KIRREL3: variants seen among roughly 807,000 people sequenced by gnomAD.
KIRREL3 encodes the protein kirre like nephrin family adhesion molecule 3, also known as kin of IRRE-like protein 3.
Under a neutral mutation model 89.7 loss-of-function variants are expected in KIRREL3, and 36 were observed. That is an observed-to-expected ratio of 0.40 (90% confidence interval 0.31 to 0.53). The LOEUF (loss-of-function observed/expected upper bound fraction) is 0.53, where lower values mean the gene tolerates loss of function less well. Among genes scored for constraint, KIRREL3 ranks in the 20% least tolerant of loss-of-function variants. The pLI, the probability that KIRREL3 is intolerant of heterozygous loss-of-function variation, is 0.49. For synonymous variants in KIRREL3, 445 were observed against 441.4 expected, an observed-to-expected ratio of 1.01 and a Z score of -0.10; for missense variants, 864 against 1,056.6, an observed-to-expected ratio of 0.82 and a Z score of 2.53.
intron 1 of KIRREL3, among the ~76,000 whole-genome samples, chr11:126,784,098 G>A (rs1282365707): frequency 6.6e-6 from 1 of 152,188 alleles, no homozygotes; most frequent in Non-Finnish European, 1.5e-5. Context: ...AATCTGAGAA[G>A]CCGTCACAGC....
chr11:126,644,951 G>T (rs1048269227), intron 1 of KIRREL3, among the ~76,000 whole-genome samples: 12 of 152,178 alleles, frequency 7.9e-5, no homozygotes, highest in Admixed American at 5.9e-4. Flanking sequence ...GTCCTACAAG[G>T]CACCGTTGCA....
Position 126,767,284 on chromosome 11 carries a change from A to T in KIRREL3, c.56-204372T>A, listed in dbSNP as rs193180924. ...GAGGGTGTTTTCTACCAAATCTGAC[A>T]GGAGGGAGCTGGTAGCATGCTTGGG... On this transcript the variant is annotated intron_variant, in intron 1 of 16. Coordinates refer to ENST00000525144, the MANE Select transcript of KIRREL3 (RefSeq NM_032531.4). 9.2e-5 allele frequency among the ~76,000 whole-genome samples: 14 copies of T among 152,338 alleles called. 1 individual carries two copies. The highest frequency in any genetic ancestry group is 5.9e-4 in the Admixed American group (9 of 15,296).
rs1205903120 is a variant in KIRREL3, at chr11:127,000,553, G to A, written c.-44C>T. 15 of 1,575,848 alleles carry A rather than the reference G, an allele frequency of 9.5e-6. No homozygotes were observed. Among genetic ancestry groups the A allele is most frequent in the Non-Finnish European group, 1.2e-5 (14 of 1,160,848 alleles). ...AAAGCCGGCGGGGTAACTTGGCTGT[G>A]GTTAGTTTCTCTTCCTTGGCGGCTC... On this transcript the variant is annotated 5_prime_UTR_variant, in exon 1 of 17. Coordinates refer to ENST00000525144, the MANE Select transcript of KIRREL3 (RefSeq NM_032531.4). The surrounding 1 kb of genome is among the most constrained non-coding windows in gnomAD (Gnocchi z 7.1).
At position 126,860,904 on chromosome 11, in the gene KIRREL3, C is replaced by T; in HGVS notation, c.55+139551G>A. ...CAGAAATACTACCTCCTTTGTACCA[C>T]TCTTGGTACGTGCCACCTCCTATAC... On this transcript the variant is annotated intron_variant, in intron 1 of 16. Coordinates refer to ENST00000525144, the MANE Select transcript of KIRREL3 (RefSeq NM_032531.4). The surrounding 1 kb of genome is among the most constrained non-coding windows in gnomAD (Gnocchi z 4.6). 6.6e-6 allele frequency among the ~76,000 whole-genome samples: 1 copy of T among 152,214 alleles called. No individual in the cohort carries two copies. The highest frequency in any genetic ancestry group is 1.9e-4 in the East Asian group (1 of 5,192).
In KIRREL3 at chr11:126,764,872, G is replaced by A. The variant is rs978735459; in HGVS notation, c.56-201960C>T. 2.6e-5 allele frequency among the ~76,000 whole-genome samples: 4 copies of A among 152,068 alleles called. No homozygotes were observed. Among genetic ancestry groups the A allele is most frequent in the African/African-American group, 7.2e-5 (3 of 41,404 alleles). Reference sequence around the variant, plus strand: ...CCTTTGGCAGGAGTCCTCTACTCTCGGCCTGGATCCTCTTCAATGAACCAC... The same window carrying A: ...CCTTTGGCAGGAGTCCTCTACTCTCAGCCTGGATCCTCTTCAATGAACCAC... On this transcript the variant is annotated intron_variant, in intron 1 of 16. Coordinates refer to ENST00000525144, the MANE Select transcript of KIRREL3 (RefSeq NM_032531.4). This position sits in a 1 kb window ranked among gnomAD's most constrained non-coding sequence, Gnocchi z 4.2.
Position 126,587,787 on chromosome 11 carries a change from G to C in KIRREL3, c.56-24875C>G, listed in dbSNP as rs932680105. Among the ~76,000 whole-genome samples, 6 of 152,162 alleles carry C rather than the reference G, an allele frequency of 3.9e-5. No individual in the cohort carries two copies. The highest frequency in any genetic ancestry group is 8.8e-5 in the Non-Finnish European group (6 of 68,040). ...AATACATTCCAGCAAATTTAGATTA[G>C]GAATGATTATGACTTAAGTAAAATA... On this transcript the variant is annotated intron_variant, in intron 1 of 16. Transcript: ENST00000525144. The surrounding 1 kb of genome is among the most constrained non-coding windows in gnomAD (Gnocchi z 5.2).
Position 126,817,037 on chromosome 11 carries a change from G to A in KIRREL3, c.55+183418C>T, listed in dbSNP as rs1447756260. ...AAGAACCTGTTGCATTAAAAATAGA[G>A]CTAAGGTAAAGAGCATGTACTTGTA... is the stretch of plus-strand genomic sequence containing the variant. On this transcript the variant is annotated intron_variant, in intron 1 of 16. Transcript: ENST00000525144. This position sits in a 1 kb window ranked among gnomAD's most constrained non-coding sequence, Gnocchi z 5.7. 1.3e-5 allele frequency among the ~76,000 whole-genome samples: 2 copies of A among 152,128 alleles called. No individual in the cohort carries two copies. The highest frequency in any genetic ancestry group is 1.9e-4 in the East Asian group (1 of 5,198).
At position 126,652,860 on chromosome 11, in the gene KIRREL3, C is replaced by T. The variant is rs886190416; in HGVS notation, c.56-89948G>A. 2 of 152,172 alleles carry T rather than the reference C, an allele frequency of 1.3e-5. No individual in the cohort carries two copies. Among genetic ancestry groups the T allele is most frequent in the African/African-American group, 4.8e-5 (2 of 41,426 alleles). 9.4% of individuals were successfully genotyped at this position (152,172 alleles called of 1,614,324 possible). ...GAACCAACAACAAAAGGACCAGCCA[C>T]CTCACTGGTCCTCTGTTGCCAGTAG... On this transcript the variant is annotated intron_variant, in intron 1 of 16. Coordinates refer to ENST00000525144, the MANE Select transcript of KIRREL3 (RefSeq NM_032531.4). This position sits in a 1 kb window ranked among gnomAD's most constrained non-coding sequence, Gnocchi z 4.9.
In KIRREL3 at chr11:126,709,479, C is replaced by A. The variant is rs1330817387; in HGVS notation, c.56-146567G>T. Among the ~76,000 whole-genome samples the A allele has an allele frequency of 6.6e-6, 1 of 152,196 alleles. No homozygotes were observed. Among genetic ancestry groups the A allele is most frequent in the Non-Finnish European group, 1.5e-5 (1 of 68,032 alleles). On this transcript the variant is annotated intron_variant, in intron 1 of 16. Coordinates refer to ENST00000525144, the MANE Select transcript of KIRREL3 (RefSeq NM_032531.4). The surrounding 1 kb of genome is among the most constrained non-coding windows in gnomAD (Gnocchi z 4.0). ...TGGCAGTGGTAGGGAGTAGGTTGAA[C>A]TGTGTCCCCAACATTCATATGCCCC...
chr11:126,519,884 A>G lies in KIRREL3; in HGVS notation c.433+1431T>C, dbSNP rs1036340115. The stretch of plus-strand genomic sequence containing the variant: ...AATGAGAACGGCGCTGCTGCCTTTA[A>G]TACCCCAATTACTCCTCGGAAGGCC... On this transcript the variant is annotated intron_variant, in intron 4 of 16. Transcript: ENST00000525144. This position sits in a 1 kb window ranked among gnomAD's most constrained non-coding sequence, Gnocchi z 4.3. Among the ~76,000 whole-genome samples the G allele has an allele frequency of 6.6e-6, 1 of 152,148 alleles. No homozygotes were observed. The highest frequency in any genetic ancestry group is 1.5e-5 in the Non-Finnish European group (1 of 68,036).
At chr11:126,487,095 A>G (rs569171067) in intron 4 of KIRREL3, among the ~76,000 whole-genome samples, 1 of 152,302 alleles carries the variant, frequency 6.6e-6, no homozygotes, top group African/African-American at 2.4e-5. Flanking sequence ...TGGTCATTAC[A>G]TTAAGGGGTT....
At chr11:126,733,317 G>A (rs1200563896) in intron 1 of KIRREL3, among the ~76,000 whole-genome samples, 1 of 152,128 alleles carries the variant, frequency 6.6e-6, no homozygotes, top group Non-Finnish European at 1.5e-5. Context: ...ACCCCTCTCC[G>A]AATGGCTTCT....
intron 1 of KIRREL3, among the ~76,000 whole-genome samples, chr11:126,895,902 C>A (rs996883877): frequency 6.6e-6 from 1 of 152,182 alleles, no homozygotes; most frequent in Non-Finnish European, 1.5e-5. Flanking sequence ...CTCCTTGCAG[C>A]ACTCACTTAA....
rs1052424569 is a variant in KIRREL3, at chr11:126,615,507, T to C, written c.56-52595A>G. ...AGCAGAGGCTGGATGTGAAATTAGG[T>C]CTGTCTGACTCAAAAACCTGTGTTC... On this transcript the variant is annotated intron_variant, in intron 1 of 16. Coordinates refer to ENST00000525144, the MANE Select transcript of KIRREL3 (RefSeq NM_032531.4). The surrounding 1 kb of genome is among the most constrained non-coding windows in gnomAD (Gnocchi z 5.4). 2.0e-5 allele frequency among the ~76,000 whole-genome samples: 3 copies of C among 152,060 alleles called. No individual in the cohort carries two copies. Among genetic ancestry groups the C allele is most frequent in the African/African-American group, 7.2e-5 (3 of 41,410 alleles).
At chr11:126,453,085 C>T (rs1956235681) in intron 7 of KIRREL3, among the ~76,000 whole-genome samples, 1 of 97,924 alleles carries the variant, frequency 1.0e-5, no homozygotes, top group Non-Finnish European at 2.1e-5. Context: ...CTGTTGCTTC[C>T]CCACCTCCCC....
In KIRREL3 at chr11:126,764,563, T is replaced by A. The variant is rs138331756; in HGVS notation, c.56-201651A>T. Reference sequence around the variant, plus strand: ...GCTGCCTCATGAGGTTCCTGGCAGCTCTTACTGCGCCAGTAACAACTGGAT... The same window carrying A: ...GCTGCCTCATGAGGTTCCTGGCAGCACTTACTGCGCCAGTAACAACTGGAT... On this transcript the variant is annotated intron_variant, in intron 1 of 16. Transcript: ENST00000525144. This position sits in a 1 kb window ranked among gnomAD's most constrained non-coding sequence, Gnocchi z 4.2. Among the ~76,000 whole-genome samples the A allele has an allele frequency of 4.0e-3, 614 of 152,326 alleles. 4 individuals carry two copies. Among genetic ancestry groups the A allele is most frequent in the African/African-American group, 0.014 (590 of 41,586 alleles).
rs1412570838 is a variant in KIRREL3 at position 126,898,238 on chromosome 11, T to C, written c.55+102217A>G. ...AAACACTACTTTATGCCAATTAGGT[T>C]AGCAAGAATTAGAAAACTGAAGGAT... On this transcript the variant is annotated intron_variant, in intron 1 of 16. Transcript: ENST00000525144. The surrounding 1 kb of genome is among the most constrained non-coding windows in gnomAD (Gnocchi z 4.9). Among the ~76,000 whole-genome samples the C allele has an allele frequency of 2.0e-5, 3 of 152,126 alleles. No homozygotes were observed. Among genetic ancestry groups the C allele is most frequent in the Non-Finnish European group, 4.4e-5 (3 of 68,028 alleles).
rs990772898 is a variant in KIRREL3 at position 126,427,542 on chromosome 11, C to T, written c.1806+1637G>A. ...CAGAGAGAACAGCCGGTGCACAGGC[C>T]TTTGAAGTCCAAAAGATTCGAAGGC... On this transcript the variant is annotated intron_variant, in intron 15 of 16. Transcript: ENST00000525144. This position sits in a 1 kb window ranked among gnomAD's most constrained non-coding sequence, Gnocchi z 5.3. 3.3e-5 allele frequency among the ~76,000 whole-genome samples: 5 copies of T among 152,164 alleles called. No individual in the cohort carries two copies. The highest frequency in any genetic ancestry group is 2.1e-4 in the South Asian group (1 of 4,810).
chr11:126,540,058 CTTTAGACTGGGATT>C (rs1386033372), intron 2 of KIRREL3, among the ~76,000 whole-genome samples: 1 of 152,170 alleles, frequency 6.6e-6, no homozygotes, highest in Non-Finnish European at 1.5e-5. Context: ...AATCTTCTCC[CTTTAGACTGGGATT>C]GGAAATATAA....
Sources: allele counts gnomAD v4.1 joint callset (sites outside exome capture counted in the v4.1 genomes callset), GRCh38; gene constraint gnomAD v4.1.1; non-coding constraint Gnocchi (gnomAD v3.1); transcripts MANE v1.5; gene names NCBI Gene and HGNC (gene_info 2026-07-23, HGNC 2026-07-21).